SH3RF1: variants seen among roughly 807,000 people sequenced by gnomAD.
The protein encoded by SH3RF1 is SH3 domain containing ring finger 1.
SH3RF1 carries 32 observed loss-of-function variants against 74.0 expected under a neutral mutation model. The ratio of observed to expected loss-of-function variants is 0.43; its 90% CI spans 0.33 to 0.58. The LOEUF (loss-of-function observed/expected upper bound fraction) is 0.58. Ranked by LOEUF, SH3RF1 falls within the 20% of genes least tolerant of loss-of-function variation. The pLI is 0.05. For synonymous variants in SH3RF1, 396 were observed against 439.6 expected (o/e 0.90, Z 1.24); for missense variants, 954 against 1,130.9 (o/e 0.84, Z 2.24).
intron 4 of SH3RF1, among the ~76,000 whole-genome samples, chr4:169,153,211 G>C (rs1734001143): frequency 6.6e-6 from 1 of 152,074 alleles, no homozygotes. Context: ...AGTCTAATCT[G>C]AGCTCCAAAC....
intron 4 of SH3RF1, among the ~76,000 whole-genome samples, chr4:169,150,054 T>A (rs952007235): frequency 6.6e-6 from 1 of 152,206 alleles, no homozygotes; most frequent in African/African-American, 2.4e-5. Context: ...TTGTGCTCCC[T>A]GAGCCCTTTG....
chr4:169,144,630 C>A (rs536764775), intron 4 of SH3RF1, among the ~76,000 whole-genome samples: 1 of 152,218 alleles, frequency 6.6e-6, no homozygotes, highest in Admixed American at 6.5e-5. Flanking sequence ...ATAGCTTGGG[C>A]AGTTGAGGTC....
chr4:169,177,419 C>T (rs1179684007), intron 2 of SH3RF1, among the ~76,000 whole-genome samples: 1 of 152,066 alleles, frequency 6.6e-6, no homozygotes, highest in African/African-American at 2.4e-5. Flanking sequence ...GACAAATAAG[C>T]AAAGGCCAAT....
chr4:169,232,377 G>C (rs1039472514), intron 2 of SH3RF1, among the ~76,000 whole-genome samples: 1 of 152,180 alleles, frequency 6.6e-6, no homozygotes, highest in East Asian at 1.9e-4. Flanking sequence ...TTCGAAATTA[G>C]TTCACTGTTA....
chr4:169,198,797 G>C (rs537458551), intron 2 of SH3RF1, among the ~76,000 whole-genome samples: 2 of 152,226 alleles, frequency 1.3e-5, no homozygotes, highest in Middle Eastern at 3.4e-3. Flanking sequence ...TAACAATTAG[G>C]CTGAAAACAG....
At chr4:169,122,973 T>C (rs1351496139) in intron 6 of SH3RF1, among the ~76,000 whole-genome samples, 4 of 152,112 alleles carry the variant, frequency 2.6e-5, no homozygotes, top group Non-Finnish European at 4.4e-5. Flanking sequence ...AATGGAGCAA[T>C]TGTTACCTTC....
chr4:169,101,651 A>C (rs991688713), intron 11 of SH3RF1, among the ~76,000 whole-genome samples: 7 of 151,736 alleles, frequency 4.6e-5, no homozygotes, highest in African/African-American at 1.5e-4. Context: ...TGAATGAATA[A>C]AATTTTTTGT....
At chr4:169,220,952 A>C (rs1238217600) in intron 2 of SH3RF1, among the ~76,000 whole-genome samples, 1 of 152,264 alleles carries the variant, frequency 6.6e-6, no homozygotes, top group Admixed American at 6.5e-5. Flanking sequence ...TTCAAGGCAG[A>C]AGTTTAGCAG....
chr4:169,202,041 C>G (rs936553731), intron 2 of SH3RF1, among the ~76,000 whole-genome samples: 1 of 151,886 alleles, frequency 6.6e-6, no homozygotes, highest in African/African-American at 2.4e-5. Context: ...GAAAAAGTAT[C>G]TCATAATGTT....
chr4:169,178,458 G>A (rs918753915), intron 2 of SH3RF1, among the ~76,000 whole-genome samples: 3 of 151,966 alleles, frequency 2.0e-5, no homozygotes, highest in Admixed American at 1.3e-4. Flanking sequence ...TCAGGACGAG[G>A]AAGTACATTC....
rs546148041 is a variant in SH3RF1, at chr4:169,138,606, C to CA, written c.766-1987dup. ...TGAGAAGACTTTCTTCTCATTGAGG[C>CA]AAAAAATATGAATAGAGGAAACTAT... On this transcript the variant is annotated intron_variant, in intron 4 of 11. Transcript: ENST00000284637. Among the ~76,000 whole-genome samples, 36 of 152,068 alleles carry CA rather than the reference C, an allele frequency of 2.4e-4. No homozygotes were observed. In the East Asian group the frequency reaches 6.8e-3, roughly 29 times the overall value.
intron 2 of SH3RF1, among the ~76,000 whole-genome samples, chr4:169,198,330 TC>T (rs1429833748): frequency 7.1e-6 from 1 of 141,090 alleles, no homozygotes; most frequent in Non-Finnish European, 1.6e-5. Flanking sequence ...GTGTTCTCCT[TC>T]TGTACTGCAA....
intron 7 of SH3RF1, among the ~76,000 whole-genome samples, chr4:169,121,521 C>A (rs1158198547): frequency 6.6e-6 from 1 of 152,148 alleles, no homozygotes; most frequent in African/African-American, 2.4e-5. Context: ...AGAACAAAGT[C>A]CAGATCACAA....
intron 11 of SH3RF1, among the ~76,000 whole-genome samples, chr4:169,102,762 G>A (rs1733061270): frequency 6.6e-6 from 1 of 151,974 alleles, no homozygotes; most frequent in Non-Finnish European, 1.5e-5. Flanking sequence ...AAACACAGAA[G>A]AATCCTTTTG....
rs541549557 is a variant in SH3RF1, at chr4:169,165,642, G to C, written c.394-8963C>G. 3.4e-3 allele frequency among the ~76,000 whole-genome samples: 520 copies of C among 152,048 alleles called. 4 individuals carry two copies. The highest frequency in any genetic ancestry group is 5.4e-3 in the Admixed American group (83 of 15,266). ...CTGTCTCAGAGAAAAAAAGGCGGGG[G>C]GGGGAGTCAGGTAAGGCCTCAGTGA... On this transcript the variant is annotated intron_variant, in intron 2 of 11. Transcript: ENST00000284637.
intron 2 of SH3RF1, among the ~76,000 whole-genome samples, chr4:169,262,549 C>G (rs1284035168): frequency 6.6e-6 from 1 of 152,086 alleles, no homozygotes; most frequent in Non-Finnish European, 1.5e-5. Context: ...CGCCTGTAAT[C>G]CCAGCTACTT....
chr4:169,228,936 A>G (rs1730691761), intron 2 of SH3RF1, among the ~76,000 whole-genome samples: 1 of 152,144 alleles, frequency 6.6e-6, no homozygotes, highest in Admixed American at 6.5e-5. Flanking sequence ...AACAAAAAAA[A>G]TTCTGTTCTT....
chr4:169,189,346 C>G (rs1422937428), intron 2 of SH3RF1, among the ~76,000 whole-genome samples: 3 of 152,226 alleles, frequency 2.0e-5, no homozygotes, highest in Admixed American at 2.0e-4. Flanking sequence ...TAAAAAATAT[C>G]TGGTATTCTA....
intron 8 of SH3RF1, among the ~76,000 whole-genome samples, chr4:169,119,847 A>G (rs1323090595): frequency 3.3e-5 from 5 of 152,208 alleles, no homozygotes; most frequent in Admixed American, 3.3e-4. Context: ...CCTGGACTGT[A>G]TATTAAACGG....
Sources: gnomAD v4.1 joint callset for allele counts (sites outside exome capture counted in the v4.1 genomes callset) on GRCh38, gnomAD v4.1.1 for gene constraint, MANE v1.5 for transcripts, NCBI Gene and HGNC (gene_info 2026-07-23, HGNC 2026-07-21) for gene names.